The following PRELID2 variants were observed in gnomAD, a reference collection of about 807,000 sequenced individuals.
The protein encoded by PRELID2 is PRELI domain containing 2.
A neutral mutation model predicts 28.4 loss-of-function variants in PRELID2; 25 were observed. That is an observed-to-expected ratio of 0.88 (90% CI 0.64 to 1.23). The LOEUF is 1.23. Ranked by LOEUF, PRELID2 falls within the 50% of genes most tolerant of loss-of-function variation. The pLI is 0.00. For synonymous variants in PRELID2, 76 were observed against 71.6 expected, an observed-to-expected ratio of 1.06 and a Z score of -0.31; for missense variants, 201 against 214.4, an observed-to-expected ratio of 0.94 and a Z score of 0.39.
rs1305283411 is a variant in PRELID2, at chr5:145,756,506, C to T, written c.*4030G>A. Among the ~76,000 whole-genome samples, 1 of 152,158 alleles carries T rather than the reference C, an allele frequency of 6.6e-6. No homozygotes were observed. Among genetic ancestry groups the T allele is most frequent in the Non-Finnish European group, 1.5e-5 (1 of 68,028 alleles). On this transcript the variant is annotated 3_prime_UTR_variant, in exon 7 of 7. Transcript: ENST00000683046. ...TGAGTTTTAATCCTCTTAAGTTTCA[C>T]ATTATAGAACTGAATACACAAAAAC...
chr5:145,398,629 A>G, the PRELID2 span, among the ~76,000 whole-genome samples: 1 of 151,910 alleles, frequency 6.6e-6, no homozygotes, highest in Non-Finnish European at 1.5e-5. Flanking sequence ...CTCTGTTTCT[A>G]CTATGCACTT....
rs374178245 is a variant in PRELID2 at position 145,483,890 on chromosome 5, G to C, written n.71-10575C>G. 4.6e-5 allele frequency among the ~76,000 whole-genome samples: 7 copies of C among 152,152 alleles called. No individual in the cohort carries two copies. The East Asian group carries it at 1.2e-3, about 25-fold the overall frequency. ...TACAGGGCAAGTGAGTGTTTCCCTT[G>C]TCTGTGTCAGTTGCTCACAACTGTT... On this transcript the variant is annotated intron_variant and non_coding_transcript_variant, in intron 1 of 2. Coordinates refer to the PRELID2 transcript ENST00000510259.
chr5:145,826,753 AAGTT>A (rs1755220231), intron 1 of PRELID2, among the ~76,000 whole-genome samples: 1 of 152,156 alleles, frequency 6.6e-6, no homozygotes, highest in Non-Finnish European at 1.5e-5. Flanking sequence ...TATATATAAA[AAGTT>A]AGAGGCAAGA....
chr5:145,596,984 C>T (rs1449487853), intron 1 of PRELID2, among the ~76,000 whole-genome samples: 5 of 151,976 alleles, frequency 3.3e-5, no homozygotes, highest in Admixed American at 2.6e-4. Context: ...ATGGCAAACA[C>T]GAAATGCAAA....
chr5:145,778,319 G>A (rs117085241), intron 5 of PRELID2, among the ~76,000 whole-genome samples: 3 of 152,122 alleles, frequency 2.0e-5, no homozygotes, highest in East Asian at 3.9e-4. Context: ...ACGACTGGAC[G>A]ACCTGCCTGC....
chr5:145,826,731 A>C (rs1297353134), intron 1 of PRELID2, among the ~76,000 whole-genome samples: 2 of 152,202 alleles, frequency 1.3e-5, no homozygotes, highest in African/African-American at 4.8e-5. Flanking sequence ...AATATGCATT[A>C]AAGCAAACAC....
intron 1 of PRELID2, among the ~76,000 whole-genome samples, chr5:145,739,313 G>A (rs979352719): frequency 1.6e-4 from 24 of 152,070 alleles, no homozygotes; most frequent in Admixed American, 2.6e-4. Context: ...AGACTACCCC[G>A]GCCAACATGG....
At chr5:145,339,779 C>A in the PRELID2 span, among the ~76,000 whole-genome samples, 1 of 151,936 alleles carries the variant, frequency 6.6e-6, no homozygotes. Flanking sequence ...TTTACTCTAC[C>A]CAAAGGCAAG....
intron 2 of PRELID2, among the ~76,000 whole-genome samples, 194 bp from the exon 3 acceptor site, chr5:145,820,212 C>A (rs918347325): frequency 6.6e-6 from 1 of 151,738 alleles, no homozygotes; most frequent in Non-Finnish European, 1.5e-5. Flanking sequence ...AGGGATTCTC[C>A]TGCCTCAGCC....
rs574269852 is a variant in PRELID2 at position 145,640,188 on chromosome 5, CA to C, written n.70+124742del. Among the ~76,000 whole-genome samples, 285 of 152,036 alleles carry C rather than the reference CA, an allele frequency of 1.9e-3. 2 individuals carry two copies. The Middle Eastern group carries it at 0.031, about 16-fold the overall frequency. On this transcript the variant is annotated intron_variant and non_coding_transcript_variant, in intron 1 of 2. Coordinates refer to the PRELID2 transcript ENST00000510259. ...AAACCCCGTCTGTACTGAAAAAATA[CA>C]AAAAAATTGGCCGGCGGCCGGGCGC... is the stretch of plus-strand genomic sequence containing the variant.
the PRELID2 span, chr5:145,429,939 A>G: frequency 6.6e-6 from 1 of 152,468 alleles, no homozygotes; most frequent in South Asian, 2.1e-4. Context: ...AGTGAGGCCA[A>G]CCTAAACCAG....
chr5:145,541,023 G>A (rs904259736), intron 1 of PRELID2, among the ~76,000 whole-genome samples: 1 of 151,978 alleles, frequency 6.6e-6, no homozygotes, highest in Non-Finnish European at 1.5e-5. Context: ...AGAAAGTGGA[G>A]GAGACAAATG....
the PRELID2 span, among the ~76,000 whole-genome samples, chr5:145,347,474 C>T: frequency 1.1e-4 from 17 of 152,154 alleles, no homozygotes; most frequent in African/African-American, 4.1e-4. Flanking sequence ...AGGGCAGATG[C>T]TATCAACCTG....
At chr5:145,394,881 C>T in the PRELID2 span, among the ~76,000 whole-genome samples, 1 of 152,096 alleles carries the variant, frequency 6.6e-6, no homozygotes, top group Non-Finnish European at 1.5e-5. Flanking sequence ...TTTACAACGT[C>T]CTCAAATATC....
At chr5:145,452,022 A>G in the PRELID2 span, among the ~76,000 whole-genome samples, 2 of 152,186 alleles carry the variant, frequency 1.3e-5, no homozygotes, top group African/African-American at 2.4e-5. Context: ...ATCAGTCAGC[A>G]GTTTTCTGAG....
chr5:145,600,724 T>C (rs1753384470), intron 1 of PRELID2, among the ~76,000 whole-genome samples: 1 of 151,750 alleles, frequency 6.6e-6, no homozygotes, highest in South Asian at 2.1e-4. Flanking sequence ...CACAAGGAAA[T>C]AAACCAAAAT....
intron 5 of PRELID2, among the ~76,000 whole-genome samples, chr5:145,776,050 C>A (rs1758387425): frequency 6.6e-6 from 1 of 152,110 alleles, no homozygotes; most frequent in Non-Finnish European, 1.5e-5. Context: ...AAAAAAAATG[C>A]CTGCAGTGTT....
chr5:145,647,086 G>T (rs548662131), intron 1 of PRELID2, among the ~76,000 whole-genome samples: 6 of 152,296 alleles, frequency 3.9e-5, no homozygotes, highest in African/African-American at 1.4e-4. Context: ...CCATCAGGCT[G>T]GGACGTTTGG....
chr5:145,799,471 C>T (rs1752986221), intron 4 of PRELID2, among the ~76,000 whole-genome samples: 1 of 152,092 alleles, frequency 6.6e-6, no homozygotes, highest in Non-Finnish European at 1.5e-5. Flanking sequence ...GATGGTCTCT[C>T]TCCTCCAGGA....
Sources: gnomAD v4.1 joint callset for allele counts (sites outside exome capture counted in the v4.1 genomes callset) on GRCh38, gnomAD v4.1.1 for gene constraint, MANE v1.5 for transcripts, NCBI Gene and HGNC (gene_info 2026-07-23, HGNC 2026-07-21) for gene names.